TRPM4: variants seen among roughly 807,000 people sequenced by gnomAD.
The protein encoded by TRPM4 is transient receptor potential cation channel subfamily M member 4.
A neutral mutation model predicts 135.6 loss-of-function variants in TRPM4; 124 were observed. That is an observed-to-expected ratio of 0.91 (90% CI 0.79 to 1.06). TRPM4 has a LOEUF of 1.06. TRPM4 is among the 50% of genes least tolerant of loss of function. The pLI is 0.00. For missense variants in TRPM4, 1,658 were observed against 1,671.4 expected (o/e 0.99, Z 0.14); for synonymous variants, 745 against 705.6 (o/e 1.06, Z -0.88).
chr19:49,190,691 G>T lies in TRPM4; in HGVS notation c.2133-5G>T, dbSNP rs762827140. 1 of 1,614,090 alleles carries T rather than the reference G, an allele frequency of 6.2e-7. No individual in the cohort carries two copies. Among genetic ancestry groups the T allele is most frequent in the African/African-American group, 1.3e-5 (1 of 75,046 alleles). Reference sequence around the variant, plus strand: ...TTTCTTGCTCTGTGCTTCCCCCCTTGCTAGGAAATCAGAAGAGGAGCCCAC... The same window carrying T: ...TTTCTTGCTCTGTGCTTCCCCCCTTTCTAGGAAATCAGAAGAGGAGCCCAC... On this transcript the variant is annotated splice_region_variant and splice_polypyrimidine_tract_variant and intron_variant, in intron 15 of 24. Coordinates refer to ENST00000252826, the MANE Select transcript of TRPM4 (RefSeq NM_017636.4).
chr19:49,179,879 C>T (rs1266046289), intron 9 of TRPM4, among the ~76,000 whole-genome samples: 1 of 152,182 alleles, frequency 6.6e-6, no homozygotes, highest in African/African-American at 2.4e-5. Context: ...TGTAGTGTCG[C>T]CACAGCGTGG....
At position 49,174,097 on chromosome 19, in the gene TRPM4, G is replaced by A. The variant is rs530368808; in HGVS notation, c.1150+1989G>A. Among the ~76,000 whole-genome samples, 21 of 152,166 alleles carry A rather than the reference G, an allele frequency of 1.4e-4. No individual in the cohort carries two copies. The South Asian group carries it at 4.4e-3, about 32-fold the overall frequency. On this transcript the variant is annotated intron_variant, in intron 9 of 24. Coordinates refer to ENST00000252826, the MANE Select transcript of TRPM4 (RefSeq NM_017636.4). ...ACCTTAGGTAAAATTTAAGACAGAAGCACAGGCAAGAATCACTGTCGTTAG... is the reference window on the plus strand; with the variant it reads ...ACCTTAGGTAAAATTTAAGACAGAAACACAGGCAAGAATCACTGTCGTTAG...
In TRPM4 at chr19:49,182,772, C is replaced by A. The variant is rs1968034123; in HGVS notation, c.1458C>A (p.Thr486=). ...ACCAGGCGTCCCACAGCGCAGGCAC[C>A]AAAGCCCCAGCCCTAAAAGGGGGAG... ...LLDQASHSAG[T]KAPALKGGAA... The change falls in exon 11 of 25, where the codon ACC becomes ACA. Residue 486 remains threonine, a synonymous_variant. Coordinates refer to ENST00000252826, the MANE Select transcript of TRPM4 (RefSeq NM_017636.4). 2.5e-6 allele frequency: 4 copies of A among 1,578,008 alleles called. No homozygotes were observed. Among genetic ancestry groups the A allele is most frequent in the Non-Finnish European group, 3.5e-6 (4 of 1,148,962 alleles).
rs1247591134 is a variant in TRPM4, at chr19:49,171,619, C to T, written c.900C>T (p.Leu300=). The change falls in exon 8 of 25, where the codon CTC becomes CTT. Residue 300 remains leucine, a synonymous_variant. Coordinates refer to ENST00000252826, the MANE Select transcript of TRPM4 (RefSeq NM_017636.4). This position sits in a 1 kb window ranked among gnomAD's most constrained non-coding sequence, Gnocchi z 4.7. ...NATQAQLPCL[L]VAGSGGAADC... The stretch of plus-strand genomic sequence containing the variant: ...CCCAGGCTCAGCTCCCATGTCTCCT[C>T]GTGGCTGGCTCAGGGGGAGCTGCGG... 10 of 1,613,956 alleles carry T rather than the reference C, an allele frequency of 6.2e-6. No individual in the cohort carries two copies. The highest frequency in any genetic ancestry group is 5.3e-5 in the African/African-American group (4 of 74,922).
Position 49,183,109 on chromosome 19 carries a change from C to T in TRPM4, c.1640C>T (p.Pro547Leu), listed in dbSNP as rs1038478129. The change falls in exon 12 of 25, where the codon CCG becomes CTG. Residue 547 changes from proline to leucine, a missense_variant. By Grantham distance (98) the Pro-to-Leu change is moderately conservative. Around this residue, in one of 3 missense-constraint regions of TRPM4, gnomAD observed 1,412 missense variants for 1,408.7 expected, o/e 1.00. Coordinates refer to ENST00000252826, the MANE Select transcript of TRPM4 (RefSeq NM_017636.4). ...MYLLSDKATS[P>L]LSLDAGLGQA... is the part of the protein sequence containing the mutation. ...CTGCTCTCGGACAAGGCCACCTCGCCGCTCTCGCTGGATGCTGGCCTCGGG... is the reference window on the plus strand; with the variant it reads ...CTGCTCTCGGACAAGGCCACCTCGCTGCTCTCGCTGGATGCTGGCCTCGGG... The T allele has an allele frequency of 1.9e-6, 3 of 1,613,454 alleles. No individual in the cohort carries two copies. The highest frequency in any genetic ancestry group is 1.3e-5 in the African/African-American group (1 of 75,048).
Position 49,168,306 on chromosome 19 carries a change from T to C in TRPM4, c.495T>C (p.His165=), listed in dbSNP as rs1967310186. 6.2e-7 allele frequency: 1 copy of C among 1,614,152 alleles called. No homozygotes were observed. The highest frequency in any genetic ancestry group is 1.6e-4 in the Middle Eastern group (1 of 6,062). ...GTCTGCACACGGGCATCGGCCGGCA[T>C]GTTGGTGTGGCTGTACGGGACCATC... is the stretch of plus-strand genomic sequence containing the variant. ...TGGLHTGIGR[H]VGVAVRDHQM... is the part of the protein sequence containing the mutation. The change falls in exon 5 of 25, where the codon CAT becomes CAC. Residue 165 remains histidine, a synonymous_variant. Transcript: ENST00000252826.
intron 14 of TRPM4, 52 bp from the exon 15 acceptor site, chr19:49,190,156 G>T: frequency 1.3e-6 from 2 of 1,508,382 alleles, no homozygotes; most frequent in Non-Finnish European, 1.8e-6. Context: ...GGGCGTCTTA[G>T]GGACGGGGCT....
rs771664705 is a variant in TRPM4, at chr19:49,200,405, G to A, written c.2751G>A (p.Gly917=). Residue 917 remains glycine (G), a synonymous_variant, in exon 18 of 25, where the codon GGG becomes GGA. Coordinates refer to ENST00000252826, the MANE Select transcript of TRPM4 (RefSeq NM_017636.4). The part of the protein sequence containing the change: ...LHIFTVNKQL[G]PKIVIVSKMM... ...TCTTCACGGTCAACAAACAGCTGGGGCCCAAGATCGTCATCGTGAGCAAGA... is the reference window on the plus strand; with the variant it reads ...TCTTCACGGTCAACAAACAGCTGGGACCCAAGATCGTCATCGTGAGCAAGA... 6.4e-7 allele frequency: 1 copy of A among 1,568,846 alleles called. No homozygotes were observed. The highest frequency in any genetic ancestry group is 2.4e-5 in the East Asian group (1 of 41,746).
intron 2 of TRPM4, among the ~76,000 whole-genome samples, chr19:49,165,808 G>T (rs1452780088): frequency 6.6e-6 from 1 of 152,140 alleles, no homozygotes; most frequent in Non-Finnish European, 1.5e-5. Flanking sequence ...GCTTCTTCCT[G>T]CTCAGGCTTT....
At chr19:49,178,914 A>G (rs559174418) in intron 9 of TRPM4, among the ~76,000 whole-genome samples, 1 of 151,650 alleles carries the variant, frequency 6.6e-6, no homozygotes, top group African/African-American at 2.4e-5. Flanking sequence ...GCCCGCCACC[A>G]TGCCCGGCTA....
intron 17 of TRPM4, among the ~76,000 whole-genome samples, chr19:49,197,366 CTCTCTTTCTTT>C (rs1968725820): frequency 9.7e-6 from 1 of 102,844 alleles, no homozygotes; most frequent in Non-Finnish European, 2.0e-5. Flanking sequence ...CTTTCTTTCT[CTCTCTTTCTTT>C]TCTTTCTTTC....
At position 49,202,133 on chromosome 19, in the gene TRPM4, C is replaced by T; in HGVS notation, c.3123C>T (p.Ala1041=). 3 of 1,614,064 alleles carry T rather than the reference C, an allele frequency of 1.9e-6. No individual in the cohort carries two copies. The highest frequency in any genetic ancestry group is 1.1e-5 in the South Asian group (1 of 91,076). The change falls in exon 20 of 25, where the codon GCC becomes GCT. Residue 1041 remains alanine (A), a synonymous_variant. Coordinates refer to ENST00000252826, the MANE Select transcript of TRPM4 (RefSeq NM_017636.4). ...TCCTGCTGGTCAACTTGCTCATTGCCATGTTCAGGTGAGGCCTGACTGCTC... is the reference window on the plus strand; with the variant it reads ...TCCTGCTGGTCAACTTGCTCATTGCTATGTTCAGGTGAGGCCTGACTGCTC... ...ANILLVNLLI[A]MFSYTFGKVQ...
In TRPM4 at chr19:49,181,399, G is replaced by A. The variant is rs899323752; in HGVS notation, c.1201G>A (p.Val401Met). 1.2e-6 allele frequency: 2 copies of A among 1,614,028 alleles called. No homozygotes were observed. The highest frequency in any genetic ancestry group is 1.7e-6 in the Non-Finnish European group (2 of 1,180,022). The change falls in exon 10 of 25, where the codon GTG becomes ATG. Residue 401 changes from valine to methionine, a missense_variant. Transcript: ENST00000252826. ...CTACCTGGATGAGCTGCGTTTGGCT[G>A]TGGCTTGGAACCGCGTGGACATTGC... ...SAYLDELRLA[V>M]AWNRVDIAQS...
intron 9 of TRPM4, among the ~76,000 whole-genome samples, chr19:49,175,093 G>A (rs1269224953): frequency 1.0e-4 from 2 of 20,058 alleles, no homozygotes; most frequent in African/African-American, 7.5e-4. Context: ...TTTTTTTTTT[G>A]AGACGGAGTT....
chr19:49,190,080 T>A lies in TRPM4; in HGVS notation c.2020-128T>A, dbSNP rs180813232. 545 of 815,690 alleles carry A rather than the reference T, an allele frequency of 6.7e-4. 2 individuals carry two copies. The East Asian group carries it at 0.013, about 19-fold the overall frequency. The allele number at this position is 815,690 out of a possible 1,614,324, so 50.5% of individuals were successfully genotyped here. A position where few individuals can be genotyped will look rare whatever the true frequency, so the allele number is the denominator to read the frequency against. ...TGCCTTTCACCACCGTTTCCCTACCTCAATAGTTGTGGCTGTGACATTGGG... is the reference window on the plus strand; with the variant it reads ...TGCCTTTCACCACCGTTTCCCTACCACAATAGTTGTGGCTGTGACATTGGG... On this transcript the variant is annotated intron_variant, in intron 14 of 24. Transcript: ENST00000252826.
chr19:49,165,113 A>G (rs1464114687), intron 2 of TRPM4, among the ~76,000 whole-genome samples: 3 of 152,168 alleles, frequency 2.0e-5, no homozygotes, highest in Admixed American at 2.0e-4. Flanking sequence ...ACCTTTAGAA[A>G]GCAAGAGAGA....
At position 49,182,649 on chromosome 19, in the gene TRPM4, T is replaced by C. The variant is rs1410972838; in HGVS notation, c.1335T>C (p.Ile445=). Residue 445 remains isoleucine (I), a synonymous_variant, in exon 11 of 25, where the codon ATT becomes ATC. Transcript: ENST00000252826. ...GGCCTGAGTTCGTGCGCTTGCTCAT[T>C]TCCCACGGCCTCAGCCTGGGCCACT... ...NDRPEFVRLL[I]SHGLSLGHFL... The C allele has an allele frequency of 1.2e-6, 2 of 1,614,198 alleles. No homozygotes were observed. The highest frequency in any genetic ancestry group is 1.7e-6 in the Non-Finnish European group (2 of 1,180,030).
intron 2 of TRPM4, among the ~76,000 whole-genome samples, chr19:49,160,367 G>A (rs1001388637): frequency 4.0e-5 from 6 of 151,842 alleles, no homozygotes; most frequent in East Asian, 3.9e-4. Context: ...GCGCATGCCT[G>A]TAATCCCAGC....
At chr19:49,158,287 CA>C (rs1157599747) in intron 2 of TRPM4, 28 bp downstream of exon 2, 1 of 1,609,500 alleles carries the variant, frequency 6.2e-7, no homozygotes. Flanking sequence ...GGACTGACCC[CA>C]GAGGGTCCGC....
Sources: gnomAD v4.1 joint callset for allele counts (sites outside exome capture counted in the v4.1 genomes callset) on GRCh38, gnomAD v4.1.1 for gene constraint, gnomAD v4.1.1 regional missense constraint, Gnocchi (gnomAD v3.1) non-coding constraint, MANE v1.5 for transcripts, NCBI Gene and HGNC (gene_info 2026-07-23, HGNC 2026-07-21) for gene names.